The following CIITA variants were observed in gnomAD, a reference collection of about 807,000 sequenced individuals.
The protein encoded by CIITA is MHC class II transactivator.
Under a neutral mutation model 115.1 loss-of-function variants are expected in CIITA, and 72 were observed. That is an observed-to-expected ratio of 0.63 (90% CI 0.52 to 0.76). The LOEUF is 0.76. CIITA is among the 30% of genes least tolerant of loss of function. The pLI is 0.00. For synonymous variants in CIITA, 763 were observed against 635.6 expected (o/e 1.20, Z -3.02); for missense variants, 1,617 against 1,463.8 (o/e 1.10, Z -1.71).
intron 3 of CIITA, among the ~76,000 whole-genome samples, chr16:10,897,977 A>T (rs897183374): frequency 1.3e-5 from 2 of 152,168 alleles, no homozygotes. Flanking sequence ...CATACTCTGA[A>T]CAAGTTTCCT....
At chr16:10,899,564 T>A (rs2144444873) in intron 5 of CIITA, among the ~76,000 whole-genome samples, 1 of 152,352 alleles carries the variant, frequency 6.6e-6, no homozygotes. Flanking sequence ...GACAGGGACC[T>A]TGTCTTTCTT....
intron 1 of CIITA, among the ~76,000 whole-genome samples, chr16:10,895,053 G>C (rs192062139): frequency 1.3e-5 from 2 of 152,270 alleles, no homozygotes; most frequent in African/African-American, 4.8e-5. Flanking sequence ...ACACTTTCCA[G>C]TTCCCTTTTC....
upstream of CIITA, among the ~76,000 whole-genome samples, chr16:10,876,316 T>C (rs111619857): frequency 5.0e-3 from 765 of 152,310 alleles, 4 homozygotes; most frequent in African/African-American, 0.017. Context: ...GGCCCAGCCA[T>C]CTACTTTATA....
rs1170476056 is a variant in CIITA at position 10,922,239 on chromosome 16, C to T, written c.3222C>T (p.Leu1074=). The change falls in exon 17 of 20, where the codon CTC becomes CTT. Residue 1074 remains leucine, a synonymous_variant. Transcript: ENST00000324288. ...LARVLPDMVS[L]RVMDVQYNKF... ...GTGTGCTTCCGGACATGGTGTCCCT[C>T]CGGGTGATGGAGTGAGTGTGGGAGT... 6.2e-7 allele frequency: 1 copy of T among 1,614,196 alleles called. No homozygotes were observed. The highest frequency in any genetic ancestry group is 2.2e-5 in the East Asian group (1 of 44,884).
intron 12 of CIITA, among the ~76,000 whole-genome samples, chr16:10,909,889 CA>C (rs1251098365): frequency 6.6e-6 from 1 of 152,132 alleles, no homozygotes; most frequent in Non-Finnish European, 1.5e-5. Flanking sequence ...TGCACGTCAT[CA>C]CACCGGATGA....
chr16:10,880,545 C>T (rs1284548950), intron 1 of CIITA, among the ~76,000 whole-genome samples: 1 of 152,188 alleles, frequency 6.6e-6, no homozygotes, highest in Non-Finnish European at 1.5e-5. Flanking sequence ...CCCTGGTCTA[C>T]TGAGAGCCCA....
At position 10,904,615 on chromosome 16, in the gene CIITA, C is replaced by T. The variant is rs980982478; in HGVS notation, c.938-129C>T. 36 of 897,996 alleles carry T rather than the reference C, an allele frequency of 4.0e-5. No individual in the cohort carries two copies. In the Admixed American group the frequency reaches 4.5e-4, roughly 11 times the overall value. 55.6% of individuals were successfully genotyped at this position (897,996 alleles called of 1,614,324 possible). ...ATTTGAGTTAGATACAGCCTCAGGCCGCTATCTTATAACCTCCATCTTGGG... is the reference window on the plus strand; with the variant it reads ...ATTTGAGTTAGATACAGCCTCAGGCTGCTATCTTATAACCTCCATCTTGGG... On this transcript the variant is annotated intron_variant, in intron 9 of 19. Transcript: ENST00000324288.
intron 1 of CIITA, among the ~76,000 whole-genome samples, chr16:10,891,094 C>A (rs1188706001): frequency 6.6e-6 from 1 of 152,132 alleles, no homozygotes; most frequent in Admixed American, 6.6e-5. Context: ...TGAAGCAGAG[C>A]TCATCAATAA....
rs1380874310 is a variant in CIITA at position 10,934,481 on chromosome 16, TCCGCTGCTGCGTATTCACTA to T, written c.*10631_*10650del. The T allele has an allele frequency of 2.6e-5, 4 of 152,278 alleles. No individual in the cohort carries two copies. Among genetic ancestry groups the T allele is most frequent in the African/African-American group, 4.8e-5 (2 of 41,432 alleles). 9.4% of individuals were successfully genotyped at this position (152,278 alleles called of 1,614,324 possible). A position where few individuals can be genotyped will look rare whatever the true frequency, so the allele number is the denominator to read the frequency against. On this transcript the variant is annotated 3_prime_UTR_variant, in exon 20 of 20. Coordinates refer to ENST00000324288, the MANE Select transcript of CIITA (RefSeq NM_000246.4). The surrounding 1 kb of genome is among the most constrained non-coding windows in gnomAD (Gnocchi z 4.2). ...GTCGGGGCCCTGAGAGCTGATCTGATCCGCTGCTGCGTATTCACTACCGCCCTGGGACGCCTCCAGCAGAC... is the reference window on the plus strand; with the variant it reads ...GTCGGGGCCCTGAGAGCTGATCTGATCCGCCCTGGGACGCCTCCAGCAGAC...
chr16:10,908,998 C>G lies in CIITA; in HGVS notation c.2658-31C>G, dbSNP rs375591179. 5 of 1,613,752 alleles carry G rather than the reference C, an allele frequency of 3.1e-6. No individual in the cohort carries two copies. The African/African-American group carries it at 6.7e-5, about 22-fold the overall frequency. Reference sequence around the variant, plus strand: ...TTCCATTAAGGTCTAGCCTGGTCACCGTGCCTGGGTCTGAGGCCCTCCCTC... The same window carrying G: ...TTCCATTAAGGTCTAGCCTGGTCACGGTGCCTGGGTCTGAGGCCCTCCCTC... On this transcript the variant is annotated intron_variant, in intron 11 of 19. Transcript: ENST00000324288.
At chr16:10,881,844 C>A (rs1004343799) in intron 1 of CIITA, among the ~76,000 whole-genome samples, 1 of 152,192 alleles carries the variant, frequency 6.6e-6, no homozygotes, top group African/African-American at 2.4e-5. Context: ...GCCCCTTCCA[C>A]CCAGCTCGTG....
chr16:10,867,466 G>C (rs1659725818), intron 1 of CIITA, among the ~76,000 whole-genome samples: 1 of 151,738 alleles, frequency 6.6e-6, no homozygotes, highest in African/African-American at 2.4e-5. Flanking sequence ...GAGACAGAGA[G>C]ACAGGCAGAG....
intron 13 of CIITA, among the ~76,000 whole-genome samples, chr16:10,913,210 G>C (rs1395469164): frequency 2.0e-5 from 3 of 152,152 alleles, no homozygotes; most frequent in African/African-American, 7.2e-5. Context: ...ACCTCCTCTG[G>C]TCTTTACTCA....
chr16:10,875,051 C>T (rs993124361), upstream of CIITA, among the ~76,000 whole-genome samples: 1 of 152,132 alleles, frequency 6.6e-6, no homozygotes, highest in Non-Finnish European at 1.5e-5. Flanking sequence ...TCACTGCAAC[C>T]TCCACCTCCC....
In CIITA at chr16:10,924,155, C is replaced by T. The variant is rs536370024; in HGVS notation, c.*300C>T. On this transcript the variant is annotated 3_prime_UTR_variant, in exon 20 of 20. Transcript: ENST00000324288. The stretch of plus-strand genomic sequence containing the variant: ...GGCCTTCTCTGAAGGACATTGCGGA[C>T]AGCCACGGCCAGGCCAGAGGGAGTG... The T allele has an allele frequency of 5.9e-5, 9 of 152,464 alleles. No individual in the cohort carries two copies. The East Asian group carries it at 1.5e-3, about 26-fold the overall frequency. 9.4% of individuals were successfully genotyped at this position (152,464 alleles called of 1,614,324 possible).
intron 1 of CIITA, among the ~76,000 whole-genome samples, chr16:10,887,730 A>T (rs1481145125): frequency 2.0e-5 from 3 of 152,118 alleles, no homozygotes; most frequent in Non-Finnish European, 4.4e-5. Context: ...CCTGACCTCA[A>T]GTAATCCGCC....
At position 10,931,268 on chromosome 16, in the gene CIITA, T is replaced by G. The variant is rs961843747; in HGVS notation, c.*7413T>G. Reference sequence around the variant, plus strand: ...TCAAGGCTGCAGTGAACTATGACTGTGCCCCTGCACCCAGCCTGGGTGACA... The same window carrying G: ...TCAAGGCTGCAGTGAACTATGACTGGGCCCCTGCACCCAGCCTGGGTGACA... On this transcript the variant is annotated 3_prime_UTR_variant, in exon 20 of 20. Transcript: ENST00000324288. The G allele has an allele frequency of 6.6e-6, 1 of 152,648 alleles. No individual in the cohort carries two copies. The highest frequency in any genetic ancestry group is 2.4e-5 in the African/African-American group (1 of 41,420). The allele number at this position is 152,648 out of a possible 1,614,324, so 9.5% of individuals were successfully genotyped here. A position where few individuals can be genotyped will look rare whatever the true frequency, so the allele number is the denominator to read the frequency against.
At chr16:10,940,033 G>A (rs2041080263), downstream of CIITA, 1 of 152,252 alleles carries the variant, frequency 6.6e-6, no homozygotes, top group African/African-American at 2.4e-5. The surrounding 1 kb of genome is among the most constrained non-coding windows in gnomAD (Gnocchi z 4.2). Flanking sequence ...CTGGCACTTG[G>A]TTCTCGCTAA....
intron 1 of CIITA, among the ~76,000 whole-genome samples, chr16:10,886,573 C>A (rs377191361): frequency 2.0e-5 from 3 of 152,224 alleles, no homozygotes; most frequent in South Asian, 2.1e-4. Context: ...TCCAGAGCGG[C>A]CCCATCCATC....
Sources: gnomAD v4.1 joint callset for allele counts (sites outside exome capture counted in the v4.1 genomes callset) on GRCh38, gnomAD v4.1.1 for gene constraint, Gnocchi (gnomAD v3.1) non-coding constraint, MANE v1.5 for transcripts, NCBI Gene and HGNC (gene_info 2026-07-23, HGNC 2026-07-21) for gene names.